Variants in DMD observed in about 807,000 individuals in gnomAD.
DMD encodes the protein dystrophin, also known as mutant dystrophin.
Under a neutral mutation model 330.1 loss-of-function variants are expected in DMD, and 63 were observed. The ratio of observed to expected loss-of-function variants is 0.19; its 90% CI spans 0.16 to 0.24. The LOEUF (loss-of-function observed/expected upper bound fraction) is 0.24. DMD is among the 10% of genes least tolerant of loss of function. The pLI, the probability that DMD is intolerant of heterozygous loss-of-function variation, is 1.00. For synonymous variants in DMD, 1,223 were observed against 959.8 expected (o/e 1.27, Z -5.07); for missense variants, 3,344 against 2,684.1 (o/e 1.25, Z -5.43).
intron 33 of DMD, among the ~76,000 whole-genome samples, chrX:32,384,447 C>T (rs2097944722): frequency 9.0e-6 from 1 of 110,613 alleles, no homozygotes; most frequent in African/African-American, 3.3e-5. Context: ...AATGCTTTCC[C>T]ATCAATTGAG....
At chrX:32,542,139 G>A (rs909370200) in intron 17 of DMD, among the ~76,000 whole-genome samples, 1 of 111,421 alleles carries the variant, frequency 9.0e-6, no homozygotes, top group African/African-American at 3.3e-5. Context: ...TCCAGATAAA[G>A]AAGTCAAAAG....
chrX:32,382,182 A>G (rs5972550), intron 33 of DMD, among the ~76,000 whole-genome samples: 25,906 of 110,977 alleles, frequency 0.23, 3,306 homozygotes, highest in African/African-American at 0.5. Context: ...ACAGGTAAAT[A>G]AAACATGGAC....
chrX:32,686,818 C>A (rs753168804), intron 9 of DMD, among the ~76,000 whole-genome samples: 1 of 110,448 alleles, frequency 9.1e-6, no homozygotes, highest in African/African-American at 3.3e-5. Flanking sequence ...AACTAGAGAT[C>A]GCCCTACAGA....
intron 1 of DMD, among the ~76,000 whole-genome samples, chrX:33,116,862 G>A (rs2095389300): frequency 9.0e-6 from 1 of 110,801 alleles, no homozygotes; most frequent in Non-Finnish European, 1.9e-5. Flanking sequence ...TTTATGCAGA[G>A]TATATAGATA....
intron 62 of DMD, among the ~76,000 whole-genome samples, chrX:31,284,853 CACA>C (rs1569517108): frequency 6.5e-5 from 7 of 107,881 alleles, no homozygotes; most frequent in African/African-American, 2.4e-4. Context: ...CACACACACA[CACA>C]CACACACCCA....
chrX:32,002,394 G>A (rs1183661999), intron 44 of DMD, among the ~76,000 whole-genome samples: 1 of 111,777 alleles, frequency 8.9e-6, no homozygotes, highest in African/African-American at 3.2e-5. Flanking sequence ...AGAGAATGAA[G>A]ACCTTCATGG....
intron 62 of DMD, among the ~76,000 whole-genome samples, chrX:31,317,614 C>T (rs938181136): frequency 1.0e-4 from 11 of 107,609 alleles, no homozygotes; most frequent in Non-Finnish European, 1.9e-4. Flanking sequence ...CGGGTTTACG[C>T]CATTCTCCTG....
intron 9 of DMD, 104 bp downstream of exon 9, chrX:32,697,766 G>C: frequency 9.2e-7 from 1 of 1,088,385 alleles, no homozygotes; most frequent in Non-Finnish European, 1.3e-6. Context: ...AGCTCTTCAC[G>C]AGGAGATAAA....
intron 2 of DMD, among the ~76,000 whole-genome samples, chrX:32,992,448 T>G (rs1471545637): frequency 9.0e-6 from 1 of 111,680 alleles, no homozygotes; most frequent in East Asian, 2.8e-4. Context: ...CCCAGTCATT[T>G]CTAAAGATAA....
intron 1 of DMD, among the ~76,000 whole-genome samples, chrX:33,164,148 G>A (rs889393999): frequency 5.4e-5 from 6 of 111,613 alleles, no homozygotes; most frequent in East Asian, 5.6e-4. Flanking sequence ...TTAATTAATC[G>A]AATTTGATAT....
intron 44 of DMD, among the ~76,000 whole-genome samples, chrX:32,167,153 A>G (rs1018626300): frequency 6.2e-5 from 7 of 112,148 alleles, no homozygotes; most frequent in Non-Finnish European, 1.3e-4. Context: ...TACCTAACAG[A>G]GGAATTCAAT....
intron 54 of DMD, among the ~76,000 whole-genome samples, chrX:31,634,870 G>A (rs1023023375): frequency 2.7e-5 from 3 of 111,142 alleles, no homozygotes; most frequent in Non-Finnish European, 3.8e-5. Context: ...AAAATTAGTT[G>A]ATAAAGAAAT....
chrX:31,406,585 TAAC>T (rs2061409764), intron 60 of DMD, among the ~76,000 whole-genome samples: 1 of 111,343 alleles, frequency 9.0e-6, no homozygotes, highest in Admixed American at 9.6e-5. Context: ...CAGTGATAGA[TAAC>T]ATTATTGTTT....
At chrX:31,636,701 C>T (rs935438869) in intron 54 of DMD, among the ~76,000 whole-genome samples, 2 of 111,326 alleles carry the variant, frequency 1.8e-5, no homozygotes, top group Non-Finnish European at 3.8e-5. Context: ...CCTTTGTTTT[C>T]TGTTATTATT....
chrX:31,233,258 C>T (rs1241640505), intron 63 of DMD, among the ~76,000 whole-genome samples: 1 of 111,786 alleles, frequency 8.9e-6, no homozygotes, highest in East Asian at 2.8e-4. Context: ...ACTTACAGAA[C>T]TCTCAGAATG....
chrX:31,412,680 G>A (rs752854831), intron 60 of DMD, among the ~76,000 whole-genome samples: 12 of 111,865 alleles, frequency 1.1e-4, no homozygotes, highest in Non-Finnish European at 2.3e-4. Flanking sequence ...GCAGAATAGC[G>A]GAAGGAGGCC....
intron 43 of DMD, among the ~76,000 whole-genome samples, chrX:32,231,125 A>G (rs143676711): frequency 0.019 from 2,123 of 112,437 alleles, 58 homozygotes; most frequent in African/African-American, 0.063. Context: ...CAAAACAATT[A>G]CAGTAAATGG....
chrX:33,300,965 T>C (rs1381141695), intron 1 of DMD, among the ~76,000 whole-genome samples: 3 of 111,943 alleles, frequency 2.7e-5, no homozygotes, highest in African/African-American at 9.7e-5. Context: ...CGCGTTAGTA[T>C]TGTGGCTTCA....
intron 21 of DMD, among the ~76,000 whole-genome samples, chrX:32,479,351 C>CG (rs1433329520): frequency 9.0e-6 from 1 of 110,981 alleles, no homozygotes; most frequent in Admixed American, 9.6e-5. Flanking sequence ...GTGTCCACCA[C>CG]GCAGTACTAG....
Sources: gnomAD v4.1 joint callset for allele counts (sites outside exome capture counted in the v4.1 genomes callset) on GRCh38, gnomAD v4.1.1 for gene constraint, MANE v1.5 for transcripts, NCBI Gene and HGNC (gene_info 2026-07-23, HGNC 2026-07-21) for gene names.